DLG2: variants seen among roughly 807,000 people sequenced by gnomAD.
DLG2 encodes the protein disks large homolog 2.
In DLG2, 45 loss-of-function variants were observed where a neutral mutation model predicts 132.5. That is an observed-to-expected ratio of 0.34 (90% CI 0.27 to 0.44). The LOEUF (loss-of-function observed/expected upper bound fraction) is 0.44, where lower values mean the gene tolerates loss of function less well. Among genes scored for constraint, DLG2 ranks in the 20% least tolerant of loss-of-function variants. DLG2 has a pLI of 1.00. For missense variants in DLG2, 1,045 were observed against 1,196.9 expected (o/e 0.87, Z 1.87); for synonymous variants, 424 against 419.6 (o/e 1.01, Z -0.13).
intron 6 of DLG2, among the ~76,000 whole-genome samples, chr11:85,071,594 T>C (rs2065873245): frequency 6.6e-6 from 1 of 151,864 alleles, no homozygotes; most frequent in African/African-American, 2.4e-5. Flanking sequence ...TGATGACATC[T>C]GTGGACATGC....
intron 18 of DLG2, among the ~76,000 whole-genome samples, chr11:83,724,554 ATCCTG>A (rs1428943352): frequency 6.7e-6 from 1 of 149,744 alleles, no homozygotes; most frequent in African/African-American, 2.5e-5. Flanking sequence ...ACATGAGATA[ATCCTG>A]CTGAAGAGGC....
intron 17 of DLG2, among the ~76,000 whole-genome samples, chr11:83,808,854 C>T (rs2046570907): frequency 6.6e-6 from 1 of 152,024 alleles, no homozygotes; most frequent in South Asian, 2.1e-4. Flanking sequence ...TCACCCTTTC[C>T]TCCCATTCTC....
chr11:84,245,437 C>A (rs2097290612), intron 8 of DLG2, among the ~76,000 whole-genome samples: 1 of 152,108 alleles, frequency 6.6e-6, no homozygotes, highest in Non-Finnish European at 1.5e-5. Context: ...CTACTAAGGA[C>A]CCACTCATAT....
At chr11:85,514,633 A>C (rs1352246471) in intron 3 of DLG2, among the ~76,000 whole-genome samples, 2 of 151,950 alleles carry the variant, frequency 1.3e-5, no homozygotes, top group African/African-American at 4.8e-5. Flanking sequence ...ACCATTCCTC[A>C]TGTATTTTTA....
intron 6 of DLG2, among the ~76,000 whole-genome samples, chr11:84,685,701 T>A (rs530214011): frequency 1.3e-4 from 20 of 152,164 alleles, no homozygotes; most frequent in Non-Finnish European, 2.2e-4. Flanking sequence ...TTGCTCTGTA[T>A]TTTCTGTATC....
chr11:84,389,719 T>C (rs904221581), intron 7 of DLG2, among the ~76,000 whole-genome samples: 63 of 152,132 alleles, frequency 4.1e-4, no homozygotes, highest in Non-Finnish European at 1.6e-4. Flanking sequence ...TTAATATTTG[T>C]CTCTTTTGAA....
intron 6 of DLG2, among the ~76,000 whole-genome samples, chr11:84,914,286 G>A (rs1456492516): frequency 6.6e-6 from 1 of 152,054 alleles, no homozygotes; most frequent in Non-Finnish European, 1.5e-5. Context: ...AAATATTTAA[G>A]GCCAGACCCT....
chr11:85,135,485 A>G (rs2076083106), intron 5 of DLG2, among the ~76,000 whole-genome samples: 1 of 152,198 alleles, frequency 6.6e-6, no homozygotes, highest in Non-Finnish European at 1.5e-5. Context: ...CTTTGCAGAG[A>G]GGCAGACACT....
At chr11:85,148,668 G>A (rs1423111024) in intron 5 of DLG2, among the ~76,000 whole-genome samples, 1 of 152,190 alleles carries the variant, frequency 6.6e-6, no homozygotes, top group Non-Finnish European at 1.5e-5. Context: ...CAGATGGGTA[G>A]ATTGCAAAAA....
chr11:83,842,867 T>C (rs2057915185), intron 16 of DLG2, among the ~76,000 whole-genome samples: 1 of 151,376 alleles, frequency 6.6e-6, no homozygotes, highest in Non-Finnish European at 1.5e-5. Flanking sequence ...GAAGTCTTTC[T>C]CATGGCCATT....
intron 6 of DLG2, among the ~76,000 whole-genome samples, chr11:84,805,634 G>C (rs2075908215): frequency 6.6e-6 from 1 of 152,092 alleles, no homozygotes; most frequent in South Asian, 2.1e-4. Flanking sequence ...TCTTCCTCCT[G>C]CTCCAGCAAT....
At chr11:83,740,675 A>G (rs575316939) in intron 18 of DLG2, among the ~76,000 whole-genome samples, 5 of 152,300 alleles carry the variant, frequency 3.3e-5, no homozygotes, top group African/African-American at 9.6e-5. Context: ...AAAAATAAAT[A>G]TACTTTCTCT....
intron 18 of DLG2, chr11:83,724,909 C>T (rs1240814804): frequency 1.4e-6 from 1 of 702,460 alleles, no homozygotes; most frequent in Admixed American, 2.0e-5. Flanking sequence ...CAGCTGCTTC[C>T]CAAATTCAGC....
At chr11:85,127,235 T>TC (rs1464237455) in intron 5 of DLG2, among the ~76,000 whole-genome samples, 84 of 140,960 alleles carry the variant, frequency 6.0e-4, no homozygotes, top group Non-Finnish European at 7.8e-4. Flanking sequence ...TCTCTCTCTC[T>TC]CCCCCCGCCC....
intron 3 of DLG2, among the ~76,000 whole-genome samples, chr11:85,502,589 G>A (rs1006079564): frequency 2.0e-5 from 3 of 151,866 alleles, no homozygotes; most frequent in Non-Finnish European, 4.4e-5. Context: ...TTATAAGTTG[G>A]AGCTGAACAA....
chr11:83,840,102 T>A (rs2154014565), intron 16 of DLG2, among the ~76,000 whole-genome samples: 2 of 152,334 alleles, frequency 1.3e-5, no homozygotes, highest in South Asian at 4.1e-4. Flanking sequence ...CCTCTACGTT[T>A]TGGCTCAGGC....
Position 84,659,436 on chromosome 11 carries a change from T to C in DLG2, c.358-124705A>G, listed in dbSNP as rs181595567. ...TATATCTCTTGACTACCAATAAACT[T>C]CTGGATCCAAAATCTCTTGATGTTT... On this transcript the variant is annotated intron_variant, in intron 6 of 27. Coordinates refer to ENST00000376104, the MANE Select transcript of DLG2 (RefSeq NM_001142699.3). 1.7e-3 allele frequency among the ~76,000 whole-genome samples: 261 copies of C among 152,232 alleles called. 1 individual carries two copies. The highest frequency in any genetic ancestry group is 2.6e-3 in the Non-Finnish European group (179 of 67,998).
At chr11:85,601,669 G>A (rs1219853850) in intron 2 of DLG2, among the ~76,000 whole-genome samples, 6 of 152,186 alleles carry the variant, frequency 3.9e-5, no homozygotes, top group Non-Finnish European at 8.8e-5. Flanking sequence ...GTATTGTCTT[G>A]CAAATTTGCT....
intron 15 of DLG2, among the ~76,000 whole-genome samples, chr11:83,905,231 G>A (rs2074422348): frequency 6.6e-6 from 1 of 152,180 alleles, no homozygotes; most frequent in African/African-American, 2.4e-5. Context: ...CTTAGTAGGT[G>A]AGGAAACTGA....
Sources: allele counts gnomAD v4.1 joint callset (sites outside exome capture counted in the v4.1 genomes callset), GRCh38; gene constraint gnomAD v4.1.1; transcripts MANE v1.5; gene names NCBI Gene and HGNC (gene_info 2026-07-23, HGNC 2026-07-21).